The following COL4A2 variants were observed in gnomAD, a reference collection of about 807,000 sequenced individuals.
The protein encoded by COL4A2 is collagen type IV alpha 2 chain, also known as collagen alpha-2(IV) chain.
Under a neutral mutation model 200.2 loss-of-function variants are expected in COL4A2, and 99 were observed. The ratio of observed to expected loss-of-function variants is 0.49; its 90% CI spans 0.42 to 0.58. The LOEUF is 0.58. Ranked by LOEUF, COL4A2 falls within the 20% of genes least tolerant of loss-of-function variation. COL4A2 has a pLI of 0.00. For missense variants in COL4A2, 1,950 were observed against 2,314.1 expected (o/e 0.84, Z 3.23); for synonymous variants, 897 against 900.6 (o/e 1.00, Z 0.07).
Position 110,445,805 on chromosome 13 carries a change from TAAAAGC to T in COL4A2, c.958-20_958-15del. 1 of 1,614,138 alleles carries T rather than the reference TAAAAGC, an allele frequency of 6.2e-7. No individual in the cohort carries two copies. Among genetic ancestry groups the T allele is most frequent in the Non-Finnish European group, 8.5e-7 (1 of 1,180,002 alleles). On this transcript the variant is annotated intron_variant, in intron 16 of 47. Coordinates refer to ENST00000360467, the MANE Select transcript of COL4A2 (RefSeq NM_001846.4). ...GGAGTTATACATCAGAGACAAAAAT[TAAAAGC>T]AAATATCTTTCTTGCAGGGAAGCCG...
At chr13:110,430,856 C>G (rs771165695) in intron 10 of COL4A2, 5 of 713,034 alleles carry the variant, frequency 7.0e-6, no homozygotes, top group African/African-American at 6.9e-5. Flanking sequence ...TGACTTGGTT[C>G]CGGCAGGGTG....
chr13:110,421,131 A>C (rs1880235699), intron 4 of COL4A2, among the ~76,000 whole-genome samples: 1 of 152,220 alleles, frequency 6.6e-6, no homozygotes, highest in Admixed American at 6.5e-5. Context: ...ACCTTTGTGC[A>C]TTGCTGGTGG....
intron 20 of COL4A2, among the ~76,000 whole-genome samples, chr13:110,451,134 C>T (rs754747714): frequency 2.0e-5 from 3 of 152,286 alleles, no homozygotes; most frequent in South Asian, 4.1e-4. Context: ...CAGGTTATAA[C>T]GTTAGGTGAC....
rs545115737 is a variant in COL4A2 at position 110,495,545 on chromosome 13, A to G, written c.3760+78A>G. On this transcript the variant is annotated intron_variant, in intron 40 of 47. Coordinates refer to ENST00000360467, the MANE Select transcript of COL4A2 (RefSeq NM_001846.4). ...CCAGAGGTGGGGCCATGGAGTGTCT[A>G]TGGGGTGGGAGAGGCTGTGCAGAAG... The G allele has an allele frequency of 7.0e-5, 108 of 1,539,000 alleles. No individual in the cohort carries two copies. The South Asian group carries it at 8.6e-4, about 12-fold the overall frequency.
chr13:110,307,669 C>A lies in COL4A2; in HGVS notation c.-45+141C>A, dbSNP rs1483840498. ...GGAGAGCGAAGACCGAGCTCCTCGG[C>A]CAAGGAGCACCCACAGGGGCCTAAC... On this transcript the variant is annotated intron_variant, in intron 1 of 47. Transcript: ENST00000360467. This position sits in a 1 kb window ranked among gnomAD's most constrained non-coding sequence, Gnocchi z 5.0. 4 of 587,704 alleles carry A rather than the reference C, an allele frequency of 6.8e-6. No individual in the cohort carries two copies. Among genetic ancestry groups the A allele is most frequent in the African/African-American group, 1.9e-5 (1 of 53,448 alleles). The allele number at this position is 587,704 out of a possible 1,614,324, so 36.4% of individuals were successfully genotyped here. A position where few individuals can be genotyped will look rare whatever the true frequency, so the allele number is the denominator to read the frequency against.
At chr13:110,378,751 T>G (rs1436011398) in intron 4 of COL4A2, among the ~76,000 whole-genome samples, 1 of 152,180 alleles carries the variant, frequency 6.6e-6, no homozygotes, top group Non-Finnish European at 1.5e-5. Flanking sequence ...GAACGATACT[T>G]AGGAAGCAAA....
chr13:110,349,127 G>T (rs1876837945), intron 3 of COL4A2, among the ~76,000 whole-genome samples: 1 of 152,156 alleles, frequency 6.6e-6, no homozygotes, highest in Non-Finnish European at 1.5e-5. Context: ...TTGACAATTT[G>T]CAGTGGTAGT....
Position 110,473,101 on chromosome 13 carries a change from G to T in COL4A2, c.2376G>T (p.Gln792His). ...GPRGDAGVPG[Q>H]PGLKGLPGDR... ...GGGGAGATGCTGGTGTGCCTGGACAGCCTGGGCTTAAAGGCCTTCCCGGAG... is the reference window on the plus strand; with the variant it reads ...GGGGAGATGCTGGTGTGCCTGGACATCCTGGGCTTAAAGGCCTTCCCGGAG... Residue 792 changes from glutamine to histidine, a missense_variant, in exon 29 of 48, where the codon CAG becomes CAT. Around this residue, in one of 2 missense-constraint regions of COL4A2, gnomAD observed 1,385 missense variants for 1,720.5 expected, o/e 0.80. Coordinates refer to ENST00000360467, the MANE Select transcript of COL4A2 (RefSeq NM_001846.4). 2 of 1,562,414 alleles carry T rather than the reference G, an allele frequency of 1.3e-6. No homozygotes were observed. Among genetic ancestry groups the T allele is most frequent in the East Asian group, 2.3e-5 (1 of 42,582 alleles).
chr13:110,368,850 G>GT (rs1316485945), intron 4 of COL4A2, among the ~76,000 whole-genome samples: 1 of 814 alleles, frequency 1.2e-3, no homozygotes, highest in Admixed American at 7.0e-3. Context: ...CAAAGAAAAG[G>GT]GGGGGGGGGG....
intron 47 of COL4A2, among the ~76,000 whole-genome samples, chr13:110,509,061 T>C (rs1284341211): frequency 6.6e-6 from 1 of 151,834 alleles, no homozygotes; most frequent in Non-Finnish European, 1.5e-5. Context: ...TTTTGCACCA[T>C]CGAAAACTCA....
In COL4A2 at chr13:110,355,938, G is replaced by A. The variant is rs981868710; in HGVS notation, c.100-1534G>A. On this transcript the variant is annotated intron_variant, in intron 3 of 47. Transcript: ENST00000360467. ...GGCAGCACTGGCTCACCTGTGGAAT[G>A]AAGGTTGTACTAGCTTACCTGTCAG... is the stretch of plus-strand genomic sequence containing the variant. Among the ~76,000 whole-genome samples, 31 of 152,054 alleles carry A rather than the reference G, an allele frequency of 2.0e-4. 2 individuals carry two copies. Among genetic ancestry groups the A allele is most frequent in the African/African-American group, 7.0e-4 (29 of 41,366 alleles).
Position 110,503,217 on chromosome 13 carries a change from A to C in COL4A2, c.3974A>C (p.Lys1325Thr). 1 of 1,613,970 alleles carries C rather than the reference A, an allele frequency of 6.2e-7. No homozygotes were observed. ...GGAGCTCCAGGAACCCCAGGGACCAAAGGATGGGCCGGGGACTCCGGGCCC... is the reference window on the plus strand; with the variant it reads ...GGAGCTCCAGGAACCCCAGGGACCACAGGATGGGCCGGGGACTCCGGGCCC... ...NPGAPGTPGT[K>T]GWAGDSGPQG... Residue 1325 changes from lysine (K) to threonine (T), a missense_variant, in exon 42 of 48, where the codon AAA becomes ACA. By Grantham distance (78) the Lys-to-Thr change is moderately conservative. This residue lies in a region of COL4A2 where 1,385 missense variants were observed against 1,720.5 expected (regional missense o/e 0.80). Coordinates refer to ENST00000360467, the MANE Select transcript of COL4A2 (RefSeq NM_001846.4).
chr13:110,477,543 C>G (rs1882749254), intron 29 of COL4A2, among the ~76,000 whole-genome samples: 1 of 152,156 alleles, frequency 6.6e-6, no homozygotes, highest in African/African-American at 2.4e-5. Flanking sequence ...AGAAAACTCC[C>G]CAACTATTCC....
rs780380833 is a variant in COL4A2, at chr13:110,512,162, C to T, written c.5110C>T (p.Arg1704Cys). 9.9e-6 allele frequency: 16 copies of T among 1,613,104 alleles called. No individual in the cohort carries two copies. The highest frequency in any genetic ancestry group is 2.2e-5 in the East Asian group (1 of 44,898). The stretch of plus-strand genomic sequence containing the variant: ...CGGCCTCATCCGCACACACATCAGC[C>T]GCTGCCAGGTGTGCATGAAGAACCT... Reference protein sequence around the residue: ...KAGLIRTHISRCQVCMKNL With the variant: ...KAGLIRTHISCCQVCMKNL Residue 1704 changes from arginine (R) to cysteine (C), a missense_variant, in exon 48 of 48, where the codon CGC becomes TGC. This residue lies in a region of COL4A2 where 1,385 missense variants were observed against 1,720.5 expected (regional missense o/e 0.80). Coordinates refer to ENST00000360467, the MANE Select transcript of COL4A2 (RefSeq NM_001846.4).
intron 4 of COL4A2, among the ~76,000 whole-genome samples, chr13:110,420,220 C>T (rs111667732): frequency 0.01 from 1,532 of 152,326 alleles, 32 homozygotes; most frequent in African/African-American, 0.035. Flanking sequence ...ACACTGGTCC[C>T]ATCTGAGCCC....
intron 3 of COL4A2, among the ~76,000 whole-genome samples, chr13:110,310,301 C>G (rs558351715): frequency 6.6e-6 from 1 of 152,330 alleles, no homozygotes; most frequent in South Asian, 2.1e-4. Context: ...AAGTCAGGCC[C>G]CATCTCAGAC....
rs1475794097 is a variant in COL4A2, at chr13:110,512,090, C to A, written c.5038C>A (p.Pro1680Thr). The A allele has an allele frequency of 6.2e-7, 1 of 1,613,760 alleles. No individual in the cohort carries two copies. The highest frequency in any genetic ancestry group is 1.1e-5 in the South Asian group (1 of 91,088). ...NKYSFWLTTI[P>T]EQSFQGSPSA... ...GTACAGCTTCTGGCTGACCACCATT[C>A]CCGAGCAGAGCTTCCAGGGCTCGCC... Residue 1680 changes from proline to threonine, a missense_variant, in exon 48 of 48, where the codon CCC becomes ACC. Coordinates refer to ENST00000360467, the MANE Select transcript of COL4A2 (RefSeq NM_001846.4).
intron 4 of COL4A2, among the ~76,000 whole-genome samples, chr13:110,378,086 C>A (rs372958474): frequency 6.6e-6 from 1 of 152,172 alleles, no homozygotes; most frequent in Admixed American, 6.6e-5. Flanking sequence ...ATAGCCCAGG[C>A]GTCTCGAATC....
At chr13:110,394,565 C>G (rs1566510037) in intron 4 of COL4A2, among the ~76,000 whole-genome samples, 2 of 152,198 alleles carry the variant, frequency 1.3e-5, no homozygotes, top group Non-Finnish European at 2.9e-5. Context: ...TGTTCATTTC[C>G]TAACTCGTGC....
Sources: gnomAD v4.1 joint callset for allele counts (sites outside exome capture counted in the v4.1 genomes callset) on GRCh38, gnomAD v4.1.1 for gene constraint, gnomAD v4.1.1 regional missense constraint, Gnocchi (gnomAD v3.1) non-coding constraint, MANE v1.5 for transcripts, NCBI Gene and HGNC (gene_info 2026-07-23, HGNC 2026-07-21) for gene names.